Variants in XRRA1 observed in about 807,000 individuals in gnomAD.
XRRA1 encodes the protein X-ray radiation resistance associated 1.
XRRA1 carries 69 observed loss-of-function variants against 80.2 expected under a neutral mutation model. The ratio of observed to expected loss-of-function variants is 0.86; its 90% CI spans 0.71 to 1.05. XRRA1 has a LOEUF of 1.05. XRRA1 is among the 50% of genes least tolerant of loss of function. The pLI is 0.00. For missense variants in XRRA1, 967 were observed against 976.4 expected, an observed-to-expected ratio of 0.99 and a Z score of 0.13; for synonymous variants, 348 against 389.9, an observed-to-expected ratio of 0.89 and a Z score of 1.27.
At chr11:74,864,883 G>A (rs566930472) in intron 10 of XRRA1, among the ~76,000 whole-genome samples, 1 of 152,330 alleles carries the variant, frequency 6.6e-6, no homozygotes, top group South Asian at 2.1e-4. Flanking sequence ...ATTCTGAGGG[G>A]ACCCAGTTTG....
chr11:74,845,182 CT>C lies in XRRA1; in HGVS notation c.1817del (p.Glu606GlyfsTer2). 6 of 1,614,088 alleles carry C rather than the reference CT, an allele frequency of 3.7e-6. No individual in the cohort carries two copies. Among genetic ancestry groups the C allele is most frequent in the Non-Finnish European group, 5.1e-6 (6 of 1,179,908 alleles). On this transcript the variant is annotated frameshift_variant, in exon 16 of 19. Transcript: ENST00000684022. LOFTEE classifies it high-confidence loss of function. ...DQKKPPTAPR[E>X]VKGTRRKLPT... ...GGAGTTTCCTCCGAGTCCCTTTCAC[CT>C]CTCTGGGTGCCGTTGGTGGTTTCTT...
Position 74,842,635 on chromosome 11 carries a change from T to C in XRRA1, c.*565A>G, listed in dbSNP as rs537961865. The C allele has an allele frequency of 6.5e-6, 1 of 152,782 alleles. No individual in the cohort carries two copies. Among genetic ancestry groups the C allele is most frequent in the Non-Finnish European group, 1.5e-5 (1 of 68,484 alleles). 9.5% of individuals were successfully genotyped at this position (152,782 alleles called of 1,614,324 possible). The stretch of plus-strand genomic sequence containing the variant: ...CTTTTGGCATAAGTTATGTCCAGTT[T>C]ACAGTTTGCTCCAATTTACTGTCAT... On this transcript the variant is annotated 3_prime_UTR_variant, in exon 19 of 19. Transcript: ENST00000684022.
chr11:74,860,973 C>T (rs2042184061), intron 11 of XRRA1, among the ~76,000 whole-genome samples: 1 of 152,168 alleles, frequency 6.6e-6, no homozygotes, highest in Non-Finnish European at 1.5e-5. Context: ...TGGGGCTTTG[C>T]ACCAGCATGA....
rs1311598617 is a variant in XRRA1 at position 74,841,874 on chromosome 11, A to C, written c.*1326T>G. The C allele has an allele frequency of 6.6e-6, 1 of 152,286 alleles. No individual in the cohort carries two copies. Among genetic ancestry groups the C allele is most frequent in the Non-Finnish European group, 1.5e-5 (1 of 68,044 alleles). 9.4% of individuals were successfully genotyped at this position (152,286 alleles called of 1,614,324 possible). A position where few individuals can be genotyped will look rare whatever the true frequency, so the allele number is the denominator to read the frequency against. ...CACCACCCTCCAAAGCTGTGCCACC[A>C]ATGAGAGCATTGGGTTCAAGTTTGC... On this transcript the variant is annotated 3_prime_UTR_variant, in exon 19 of 19. Transcript: ENST00000684022.
In XRRA1 at chr11:74,923,565, T is replaced by C. The variant is rs147179784; in HGVS notation, c.523-2218A>G. 3.8e-4 allele frequency among the ~76,000 whole-genome samples: 58 copies of C among 152,348 alleles called. 1 individual carries two copies. Among genetic ancestry groups the C allele is most frequent in the African/African-American group, 1.2e-3 (51 of 41,580 alleles). On this transcript the variant is annotated intron_variant, in intron 7 of 18. Coordinates refer to ENST00000684022, the MANE Select transcript of XRRA1 (RefSeq NM_001378157.1). Reference sequence around the variant, plus strand: ...CTTGTTCTCTCTAATCTATTTTTTATACAGAAGCCAGAATGGTTTTTCTAA... The same window carrying C: ...CTTGTTCTCTCTAATCTATTTTTTACACAGAAGCCAGAATGGTTTTTCTAA...
intron 2 of XRRA1, among the ~76,000 whole-genome samples, chr11:74,942,484 G>A (rs1192263630): frequency 6.6e-6 from 1 of 152,212 alleles, no homozygotes; most frequent in African/African-American, 2.4e-5. Flanking sequence ...CCAGCACTGG[G>A]GGAAGGTGAG....
At position 74,841,464 on chromosome 11, in the gene XRRA1, G is replaced by C. The variant is rs537897361; in HGVS notation, c.*1736C>G. 1 of 152,196 alleles carries C rather than the reference G, an allele frequency of 6.6e-6. No homozygotes were observed. Among genetic ancestry groups the C allele is most frequent in the Admixed American group, 6.5e-5 (1 of 15,284 alleles). The allele number at this position is 152,196 out of a possible 1,614,324, so 9.4% of individuals were successfully genotyped here. A position where few individuals can be genotyped will look rare whatever the true frequency, so the allele number is the denominator to read the frequency against. ...GCAAGGGTCACCAGTTTAGAGATCA[G>C]TCAAATTGGAAAAAGTGCCAAGACT... On this transcript the variant is annotated 3_prime_UTR_variant, in exon 19 of 19. Coordinates refer to ENST00000684022, the MANE Select transcript of XRRA1 (RefSeq NM_001378157.1).
chr11:74,931,233 G>C (rs1173217269), intron 5 of XRRA1, among the ~76,000 whole-genome samples: 2 of 151,852 alleles, frequency 1.3e-5, no homozygotes, highest in Non-Finnish European at 2.9e-5. Context: ...TCTGCAACCT[G>C]CCTTTTCACT....
intron 3 of XRRA1, 21 bp from the exon 4 acceptor site, chr11:74,937,089 G>A (rs1305493338): frequency 1.2e-6 from 2 of 1,600,352 alleles, no homozygotes; most frequent in Non-Finnish European, 1.7e-6. Flanking sequence ...AATTAGAACA[G>A]TGAAAAGGGG....
At position 74,852,058 on chromosome 11, in the gene XRRA1, G is replaced by C; in HGVS notation, c.1195C>G (p.Pro399Ala). 1 of 1,613,910 alleles carries C rather than the reference G, an allele frequency of 6.2e-7. No homozygotes were observed. The highest frequency in any genetic ancestry group is 8.5e-7 in the Non-Finnish European group (1 of 1,179,838). Residue 399 changes from proline (P) to alanine (A), a missense_variant, in exon 13 of 19, where the codon CCA becomes GCA. Physicochemically the swap from Pro to Ala is conservative, Grantham distance 27 (BLOSUM62 -1). Transcript: ENST00000684022. ...NKIAKEDAVL[P>A]VALFPSLCEF... ...CAGAGAGATGGGAAGAGAGCTACTG[G>C]TAGGACAGCATCCTCTTTTGCGATC...
Position 74,847,475 on chromosome 11 carries a change from A to G in XRRA1, c.1728+640T>C, listed in dbSNP as rs569419364. ...TTGTGGTTTCTGCATGTACCATTTT[A>G]ATTTCCTTCCTCTATCCTGTTTCAT... On this transcript the variant is annotated intron_variant, in intron 15 of 18. Coordinates refer to ENST00000684022, the MANE Select transcript of XRRA1 (RefSeq NM_001378157.1). Among the ~76,000 whole-genome samples the G allele has an allele frequency of 5.6e-4, 86 of 152,258 alleles. 2 individuals are homozygous for G. The highest frequency in any genetic ancestry group is 1.9e-3 in the African/African-American group (78 of 41,530).
At chr11:74,918,038 G>A (rs1411818399) in intron 8 of XRRA1, among the ~76,000 whole-genome samples, 4 of 151,592 alleles carry the variant, frequency 2.6e-5, no homozygotes, top group Admixed American at 1.3e-4. Context: ...GAAGTTCCAT[G>A]TCTTTTAGTC....
chr11:74,859,629 C>T (rs1224344362), intron 11 of XRRA1, among the ~76,000 whole-genome samples: 1 of 152,064 alleles, frequency 6.6e-6, no homozygotes, highest in African/African-American at 2.4e-5. Context: ...CCTGAATTGG[C>T]CCTTCTACAC....
chr11:74,843,107 G>A lies in XRRA1; in HGVS notation c.*93C>T. The stretch of plus-strand genomic sequence containing the variant: ...AGCTGAGCTCTGAGGCCTGTGGCCG[G>A]CTGGTCAACCTTGAGGTGCGGTCCA... On this transcript the variant is annotated 3_prime_UTR_variant, in exon 19 of 19. Transcript: ENST00000684022. 6.9e-7 allele frequency: 1 copy of A among 1,442,130 alleles called. No individual in the cohort carries two copies. Among genetic ancestry groups the A allele is most frequent in the Non-Finnish European group, 9.2e-7 (1 of 1,092,094 alleles). The allele number at this position is 1,442,130 out of a possible 1,614,324, so 89.3% of individuals were successfully genotyped here.
At chr11:74,871,601 T>C (rs1001388717) in intron 10 of XRRA1, among the ~76,000 whole-genome samples, 1 of 152,144 alleles carries the variant, frequency 6.6e-6, no homozygotes, top group Non-Finnish European at 1.5e-5. Context: ...CAGGCAGCTA[T>C]TGAGTGTCCC....
At chr11:74,869,873 C>T (rs1476097551) in intron 10 of XRRA1, among the ~76,000 whole-genome samples, 1 of 152,186 alleles carries the variant, frequency 6.6e-6, no homozygotes, top group Admixed American at 6.5e-5. Context: ...TATTCTCTTT[C>T]ACCTATTAAA....
intron 6 of XRRA1, among the ~76,000 whole-genome samples, chr11:74,929,662 T>C (rs1943061456): frequency 6.6e-6 from 1 of 152,230 alleles, no homozygotes; most frequent in Non-Finnish European, 1.5e-5. Context: ...TCTTACCTTC[T>C]AGTTCCTGAA....
chr11:74,876,631 C>T (rs778339589), intron 10 of XRRA1: 6 of 152,062 alleles, frequency 3.9e-5, no homozygotes, highest in Non-Finnish European at 7.3e-5. Context: ...AACCCCTCAG[C>T]GATAAAAGTC....
chr11:74,902,285 G>A (rs1249883030), intron 10 of XRRA1, among the ~76,000 whole-genome samples: 1 of 152,160 alleles, frequency 6.6e-6, no homozygotes, highest in Non-Finnish European at 1.5e-5. Context: ...GTGAGGATGT[G>A]GAGAAAAGGG....
Sources: gnomAD v4.1 joint callset for allele counts (sites outside exome capture counted in the v4.1 genomes callset) on GRCh38, gnomAD v4.1.1 for gene constraint, MANE v1.5 for transcripts, NCBI Gene and HGNC (gene_info 2026-07-23, HGNC 2026-07-21) for gene names.